Variants in MEGF11 observed in about 807,000 individuals in gnomAD.
The protein encoded by MEGF11 is multiple EGF like domains 11, also known as multiple epidermal growth factor-like domains protein 11.
A neutral mutation model predicts 146.6 loss-of-function variants in MEGF11; 126 were observed. The ratio of observed to expected loss-of-function variants is 0.86; its 90% CI spans 0.74 to 1.00. MEGF11 has a LOEUF of 1.00. MEGF11 is among the 50% of genes least tolerant of loss of function. MEGF11 has a pLI of 0.00. For synonymous variants in MEGF11, 532 were observed against 583.4 expected (o/e 0.91, Z 1.27); for missense variants, 1,509 against 1,521.2 (o/e 0.99, Z 0.13).
At position 65,915,609 on chromosome 15, in the gene MEGF11, C is replaced by T; in HGVS notation, c.2345-11G>A. On this transcript the variant is annotated splice_polypyrimidine_tract_variant and intron_variant, in intron 18 of 25. Transcript: ENST00000395614. ...TTCCTGGGGCACATCCTGTGTGGCACAAAGAGTTAGGGTAGAGGACCCACT... is the reference window on the plus strand; with the variant it reads ...TTCCTGGGGCACATCCTGTGTGGCATAAAGAGTTAGGGTAGAGGACCCACT... 6.2e-7 allele frequency: 1 copy of T among 1,613,400 alleles called. No homozygotes were observed. Among genetic ancestry groups the T allele is most frequent in the Non-Finnish European group, 8.5e-7 (1 of 1,179,576 alleles).
At chr15:66,065,555 GAC>G (rs2140435961) in intron 5 of MEGF11, among the ~76,000 whole-genome samples, 1 of 152,282 alleles carries the variant, frequency 6.6e-6, no homozygotes, top group South Asian at 2.1e-4. Flanking sequence ...TCCCTTAAAA[GAC>G]ACAGCCCACA....
intron 1 of MEGF11, among the ~76,000 whole-genome samples, chr15:66,161,047 C>T (rs59080926): frequency 0.025 from 3,823 of 152,114 alleles, 170 homozygotes; most frequent in African/African-American, 0.088. Context: ...GCCCGTGGCT[C>T]GTGACATGAG....
intron 23 of MEGF11, among the ~76,000 whole-genome samples, chr15:65,907,949 A>T (rs909591153): frequency 1.6e-4 from 25 of 152,366 alleles, no homozygotes; most frequent in African/African-American, 5.5e-4. Flanking sequence ...TGAGATCTGT[A>T]AAGCAGGGAG....
chr15:66,065,413 AC>A (rs1251690692), intron 5 of MEGF11, among the ~76,000 whole-genome samples: 2 of 151,964 alleles, frequency 1.3e-5, no homozygotes, highest in Non-Finnish European at 2.9e-5. Context: ...ATGGGATGCC[AC>A]CCCCTGCACT....
At position 65,915,557 on chromosome 15, in the gene MEGF11, A is replaced by C. The variant is rs774906213; in HGVS notation, c.2386T>G (p.Cys796Gly). Reference protein sequence around the residue: ...GTFGYGCQQLCECMNNSTCDH... With the variant: ...GTFGYGCQQLGECMNNSTCDH... ...CAGGTGGAGTTGTTCATGCACTCACATAGCTGCTGACACCCATAGCCAAAG... is the reference window on the plus strand; with the variant it reads ...CAGGTGGAGTTGTTCATGCACTCACCTAGCTGCTGACACCCATAGCCAAAG... The change falls in exon 19 of 26, where the codon TGT becomes GGT. Residue 796 changes from cysteine (C) to glycine (G), a missense_variant. By Grantham distance (159) the Cys-to-Gly change is radical. Transcript: ENST00000395614. 6.2e-7 allele frequency: 1 copy of C among 1,613,826 alleles called. No homozygotes were observed. The highest frequency in any genetic ancestry group is 8.5e-7 in the Non-Finnish European group (1 of 1,179,880).
In MEGF11 at chr15:65,913,781, T is replaced by C; in HGVS notation, c.2666A>G (p.Tyr889Cys). The C allele has an allele frequency of 6.2e-7, 1 of 1,613,548 alleles. No individual in the cohort carries two copies. The highest frequency in any genetic ancestry group is 1.1e-5 in the South Asian group (1 of 90,998). ...GCTGGTCATCCTCATGGCAGGTGTG[T>C]AGGAGACACGGGGAGCCAGGTCTCG... ...KGRDLAPRVS[Y>C]TPAMRMTSTD... Residue 889 changes from tyrosine (Y) to cysteine (C), a missense_variant, in exon 20 of 26, where the codon TAC becomes TGC. Coordinates refer to ENST00000395614, the MANE Select transcript of MEGF11 (RefSeq NM_001385028.1).
At chr15:66,130,696 GA>G (rs1420808994) in intron 1 of MEGF11, among the ~76,000 whole-genome samples, 1 of 136,568 alleles carries the variant, frequency 7.3e-6, no homozygotes. Context: ...AAGGAAGGGA[GA>G]GGGGAAGAAG....
intron 10 of MEGF11, among the ~76,000 whole-genome samples, chr15:65,943,154 T>C (rs2080068736): frequency 6.6e-6 from 1 of 151,926 alleles, no homozygotes; most frequent in South Asian, 2.1e-4. Context: ...GCTAATTTAC[T>C]AAAAGTAGAG....
Position 66,162,498 on chromosome 15 carries a change from A to G in MEGF11, c.-8-34087T>C, listed in dbSNP as rs188065410. Among the ~76,000 whole-genome samples the G allele has an allele frequency of 1.5e-3, 234 of 152,370 alleles. 1 individual carries two copies. The highest frequency in any genetic ancestry group is 5.1e-3 in the African/African-American group (210 of 41,580). ...AACTTCCCACAACAAAAATGACGTT[A>G]TGCCAAGCACAAGATGCTAGAGACA... On this transcript the variant is annotated intron_variant, in intron 1 of 25. Coordinates refer to ENST00000395614, the MANE Select transcript of MEGF11 (RefSeq NM_001385028.1).
intron 1 of MEGF11, among the ~76,000 whole-genome samples, chr15:66,216,980 C>G (rs1276938006): frequency 1.3e-5 from 2 of 152,260 alleles, no homozygotes; most frequent in Non-Finnish European, 2.9e-5. Context: ...AGGGCCTTCT[C>G]CAGAGCACCC....
chr15:65,942,543 A>ATGGTGG (rs200430946), intron 10 of MEGF11, among the ~76,000 whole-genome samples: 11 of 152,190 alleles, frequency 7.2e-5, no homozygotes, highest in Middle Eastern at 3.4e-3. Flanking sequence ...GATGATGACT[A>ATGGTGG]TGGTGGTGGT....
chr15:66,082,433 A>T (rs1415103976), intron 5 of MEGF11, among the ~76,000 whole-genome samples: 1 of 18,426 alleles, frequency 5.4e-5, no homozygotes, highest in Non-Finnish European at 1.6e-4. Flanking sequence ...ACTAAAAAAA[A>T]AAAAAAAAAA....
chr15:65,989,067 G>A (rs2081955146), intron 5 of MEGF11, among the ~76,000 whole-genome samples: 1 of 152,178 alleles, frequency 6.6e-6, no homozygotes, highest in Admixed American at 6.5e-5. Flanking sequence ...CATTCCAAAT[G>A]AATTGGTCTA....
intron 1 of MEGF11, among the ~76,000 whole-genome samples, chr15:66,171,582 C>G (rs1304182879): frequency 6.6e-6 from 1 of 152,092 alleles, no homozygotes. Context: ...GTGCACGTCT[C>G]CAGAGGCTCT....
intron 1 of MEGF11, among the ~76,000 whole-genome samples, chr15:66,169,193 G>A (rs7182128): frequency 0.37 from 55,862 of 152,094 alleles, 12,449 homozygotes; most frequent in South Asian, 0.53. Context: ...AGACCGCAGC[G>A]TCCTGCCTGA....
At chr15:66,201,186 G>A (rs983569698) in intron 1 of MEGF11, among the ~76,000 whole-genome samples, 3 of 152,074 alleles carry the variant, frequency 2.0e-5, no homozygotes, top group African/African-American at 4.8e-5. Flanking sequence ...ACCCCACTGA[G>A]GTCCTCGCTT....
chr15:66,143,926 G>A (rs895009037), intron 1 of MEGF11, among the ~76,000 whole-genome samples: 2 of 152,164 alleles, frequency 1.3e-5, no homozygotes, highest in African/African-American at 2.4e-5. Flanking sequence ...TGGGGACCAG[G>A]AGGGGACAGA....
intron 5 of MEGF11, among the ~76,000 whole-genome samples, chr15:66,047,989 A>T (rs2084285377): frequency 6.8e-6 from 1 of 147,694 alleles, no homozygotes; most frequent in Non-Finnish European, 1.5e-5. Flanking sequence ...GCCTCTACCC[A>T]GGCTGGAGGG....
At chr15:66,109,293 G>A (rs2087260577) in intron 4 of MEGF11, among the ~76,000 whole-genome samples, 1 of 151,964 alleles carries the variant, frequency 6.6e-6, no homozygotes, top group Non-Finnish European at 1.5e-5. Context: ...ACCACCTCAC[G>A]GCATCGCTTG....
Sources: gnomAD v4.1 joint callset for allele counts (sites outside exome capture counted in the v4.1 genomes callset) on GRCh38, gnomAD v4.1.1 for gene constraint, MANE v1.5 for transcripts, NCBI Gene and HGNC (gene_info 2026-07-23, HGNC 2026-07-21) for gene names.